AQR: variants seen among roughly 807,000 people sequenced by gnomAD.
AQR encodes the protein RNA helicase aquarius.
In AQR, 61 loss-of-function variants were observed where a neutral mutation model predicts 180.5. The ratio of observed to expected loss-of-function variants is 0.34; its 90% CI spans 0.28 to 0.42. AQR has a LOEUF of 0.42. AQR is among the 10% of genes least tolerant of loss of function. AQR has a pLI of 1.00. For synonymous variants in AQR, 551 were observed against 588.8 expected (o/e 0.94, Z 0.93); for missense variants, 1,281 against 1,798.3 (o/e 0.71, Z 5.20).
chr15:34,902,284 G>C (rs935985684), intron 19 of AQR, among the ~76,000 whole-genome samples: 2 of 152,110 alleles, frequency 1.3e-5, no homozygotes, highest in African/African-American at 4.8e-5. Context: ...AGACAAAGAG[G>C]AGGCTACTAT....
chr15:34,886,480 G>T (rs1271020531), intron 25 of AQR, 46 bp downstream of exon 25: 5 of 1,552,306 alleles, frequency 3.2e-6, no homozygotes, highest in Non-Finnish European at 3.5e-6. Flanking sequence ...TCCAACTGGG[G>T]TTCATATTAT....
chr15:34,968,378 G>A (rs537282040), intron 1 of AQR, among the ~76,000 whole-genome samples: 6 of 151,584 alleles, frequency 4.0e-5, no homozygotes, highest in African/African-American at 7.3e-5. Context: ...TCAGCCTCCC[G>A]AGTAGCTGGG....
intron 27 of AQR, among the ~76,000 whole-genome samples, chr15:34,879,670 G>A (rs772807854): frequency 5.6e-4 from 85 of 152,042 alleles, no homozygotes; most frequent in African/African-American, 2.0e-3. Context: ...TGAGCAGCGA[G>A]CCCCTTTTGC....
At chr15:34,886,931 T>C (rs111497763) in intron 24 of AQR, among the ~76,000 whole-genome samples, 90 of 152,002 alleles carry the variant, frequency 5.9e-4, no homozygotes, top group Non-Finnish European at 1.2e-3. Context: ...GAGACCATCA[T>C]GGCTAACATG....
Position 34,856,953 on chromosome 15 carries a change from A to G in AQR, c.4297T>C (p.Phe1433Leu). 2 of 1,614,112 alleles carry G rather than the reference A, an allele frequency of 1.2e-6. No individual in the cohort carries two copies. Among genetic ancestry groups the G allele is most frequent in the Non-Finnish European group, 1.7e-6 (2 of 1,180,016 alleles). Reference protein sequence around the residue: ...DTSCRQETPAFQTDTTPSETG... With the variant: ...DTSCRQETPALQTDTTPSETG... ...TCACTGGGGGTGGTGTCAGTTTGAA[A>G]GGCTGGAGTTTCTTGACGGCAGCTG... Residue 1433 changes from phenylalanine to leucine, a missense_variant, in exon 35 of 35, where the codon TTT becomes CTT. Phe to Leu is a conservative substitution (Grantham distance 22). This residue lies in a region of AQR where 182 missense variants were observed against 185.3 expected (regional missense o/e 0.98). Coordinates refer to ENST00000156471, the MANE Select transcript of AQR (RefSeq NM_014691.3).
intron 1 of AQR, among the ~76,000 whole-genome samples, chr15:34,967,099 C>T (rs1293142747): frequency 6.6e-6 from 1 of 151,902 alleles, no homozygotes; most frequent in African/African-American, 2.4e-5. Context: ...TGGTCTCGAA[C>T]TCCCGACCTC....
rs73375032 is a variant in AQR at position 34,914,871 on chromosome 15, T to C, written c.1484+167A>G. Among the ~76,000 whole-genome samples the C allele has an allele frequency of 1.5e-3, 224 of 152,336 alleles. 2 individuals are homozygous for C. The highest frequency in any genetic ancestry group is 0.01 in the Middle Eastern group (3 of 294). ...GTGGTTTATATTTTAGCACTTTTGA[T>C]GTATGTTAATTCACATTTAAAAATG... On this transcript the variant is annotated intron_variant, in intron 16 of 34. Transcript: ENST00000156471.
rs1420710326 is a variant in AQR at position 34,867,545 on chromosome 15, G to T, written c.3833C>A (p.Thr1278Asn). The T allele has an allele frequency of 2.5e-6, 4 of 1,612,514 alleles. No individual in the cohort carries two copies. Among genetic ancestry groups the T allele is most frequent in the East Asian group, 4.5e-5 (2 of 44,802 alleles). The change falls in exon 32 of 35, where the codon ACC (threonine) becomes AAC (asparagine). Residue 1278 changes from threonine (T) to asparagine (N), a missense_variant. Transcript: ENST00000156471. Reference sequence around the variant, plus strand: ...GTACCTCAGATGGCCCACTGCCCTGGTTCGTACCAGAGAAAGAAGAATATA... The same window carrying T: ...GTACCTCAGATGGCCCACTGCCCTGTTTCGTACCAGAGAAAGAAGAATATA... Reference protein sequence around the residue: ...NDYILLSLVRTRAVGHLRDVR... With the variant: ...NDYILLSLVRNRAVGHLRDVR...
At chr15:34,863,488 G>A (rs1892699035) in intron 32 of AQR, among the ~76,000 whole-genome samples, 1 of 151,920 alleles carries the variant, frequency 6.6e-6, no homozygotes, top group Admixed American at 6.6e-5. Context: ...ACAATAATAA[G>A]TACATATGGA....
chr15:34,873,794 A>G (rs1892855475), intron 30 of AQR, 34 bp downstream of exon 30: 2 of 1,502,756 alleles, frequency 1.3e-6, no homozygotes, highest in African/African-American at 2.8e-5. Flanking sequence ...CAGCAAATGC[A>G]AAATAAACTT....
At chr15:34,958,199 T>C (rs1306317124) in intron 3 of AQR, among the ~76,000 whole-genome samples, 2 of 151,486 alleles carry the variant, frequency 1.3e-5, no homozygotes, top group Non-Finnish European at 2.9e-5. Flanking sequence ...AGAGCAAGAC[T>C]CCGTCTCAAA....
intron 2 of AQR, among the ~76,000 whole-genome samples, chr15:34,961,612 C>CAAAAA (rs1178777471): frequency 7.5e-5 from 2 of 26,840 alleles, no homozygotes; most frequent in African/African-American, 1.6e-4. Flanking sequence ...GACTCCATCT[C>CAAAAA]AAAAAAAAAA....
chr15:34,960,938 T>C (rs1051535490), intron 2 of AQR, 124 bp from the exon 3 acceptor site: 9 of 407,076 alleles, frequency 2.2e-5, no homozygotes, highest in Middle Eastern at 6.7e-4. Flanking sequence ...ATATTACTGC[T>C]ATTGAAATAA....
At position 34,932,384 on chromosome 15, in the gene AQR, G is replaced by T. The variant is rs761582408; in HGVS notation, c.834C>A (p.His278Gln). The change falls in exon 11 of 35, where the codon CAC becomes CAA. Residue 278 changes from histidine (H) to glutamine (Q), a missense_variant. Physicochemically the swap from His to Gln is conservative, Grantham distance 24 (BLOSUM62 0). Around this residue, in one of 9 missense-constraint regions of AQR, gnomAD observed 404 missense variants for 490.9 expected, o/e 0.82. Coordinates refer to ENST00000156471, the MANE Select transcript of AQR (RefSeq NM_014691.3). ...RWFNTILDDSHLLVHCYLSNL... is the reference protein window; with the variant it reads ...RWFNTILDDSQLLVHCYLSNL... Reference sequence around the variant, plus strand: ...TGGAAAGGTAACAGTGAACCAGAAGGTGGGAATCATCCAGGATGGTATTAA... The same window carrying T: ...TGGAAAGGTAACAGTGAACCAGAAGTTGGGAATCATCCAGGATGGTATTAA... The T allele has an allele frequency of 6.2e-7, 1 of 1,613,134 alleles. No homozygotes were observed. Among genetic ancestry groups the T allele is most frequent in the South Asian group, 1.1e-5 (1 of 90,882 alleles).
At chr15:34,951,973 A>G (rs1389769937) in intron 4 of AQR, among the ~76,000 whole-genome samples, 1 of 152,210 alleles carries the variant, frequency 6.6e-6, no homozygotes, top group African/African-American at 2.4e-5. Context: ...ATAATAATAC[A>G]GTCCTTAGGA....
At chr15:34,920,046 G>T (rs979989919) in intron 14 of AQR, among the ~76,000 whole-genome samples, 1 of 152,098 alleles carries the variant, frequency 6.6e-6, no homozygotes, top group African/African-American at 2.4e-5. Flanking sequence ...AAATAGCACA[G>T]GAATTTTTAG....
chr15:34,936,713 C>CA (rs200217557), intron 9 of AQR, among the ~76,000 whole-genome samples: 2,642 of 147,920 alleles, frequency 0.018, 68 homozygotes, highest in African/African-American at 0.057. Context: ...GAGACTCCAT[C>CA]TTTAAAAAAA....
At chr15:34,921,973 G>A (rs1406757366) in intron 13 of AQR, among the ~76,000 whole-genome samples, 2 of 152,064 alleles carry the variant, frequency 1.3e-5, no homozygotes, top group Non-Finnish European at 2.9e-5. Context: ...ACCACACTCG[G>A]CTAAATTTTT....
At chr15:34,948,223 T>G (rs753952439) in intron 5 of AQR, 41 bp downstream of exon 5, 2 of 1,606,902 alleles carry the variant, frequency 1.2e-6, no homozygotes, top group South Asian at 1.1e-5. Flanking sequence ...ATGGCTTATG[T>G]GGGTCAGTAT....
Sources: allele counts gnomAD v4.1 joint callset (sites outside exome capture counted in the v4.1 genomes callset), GRCh38; gene constraint gnomAD v4.1.1; regional missense constraint gnomAD v4.1.1; transcripts MANE v1.5; gene names NCBI Gene and HGNC (gene_info 2026-07-23, HGNC 2026-07-21).